The following CACNA1H variants were observed in gnomAD, a reference collection of about 807,000 sequenced individuals.
CACNA1H encodes the protein calcium voltage-gated channel subunit alpha1 H.
In CACNA1H, 149 loss-of-function variants were observed where a neutral mutation model predicts 192.5. That is an observed-to-expected ratio of 0.77 (90% CI 0.68 to 0.89). The LOEUF is 0.89. CACNA1H is among the 40% of genes least tolerant of loss of function. CACNA1H has a pLI of 0.00. For synonymous variants in CACNA1H, 2,202 were observed against 1,475.2 expected (o/e 1.49, Z -11.29); for missense variants, 4,257 against 3,423.5 (o/e 1.24, Z -6.08).
chr16:1,213,824 C>T lies in CACNA1H; in HGVS notation c.4822C>T (p.Arg1608Cys), dbSNP rs531597200. 2.5e-5 allele frequency: 39 copies of T among 1,589,830 alleles called. No individual in the cohort carries two copies. Among genetic ancestry groups the T allele is most frequent in the East Asian group, 4.6e-5 (2 of 43,854 alleles). The stretch of plus-strand genomic sequence containing the variant: ...CTATGCCGACTACTCGCCCACGCGC[C>T]GCTCCATTCACTCGCTGTGCACCAG... ...PYYADYSPTRRSIHSLCTSHY... is the reference protein window; with the variant it reads ...PYYADYSPTRCSIHSLCTSHY... The change falls in exon 27 of 35, where the codon CGC (arginine) becomes TGC (cysteine). Residue 1608 changes from arginine (R) to cysteine (C), a missense_variant. By Grantham distance (180) the Arg-to-Cys change is radical. Transcript: ENST00000348261.
intron 17 of CACNA1H, among the ~76,000 whole-genome samples, chr16:1,209,635 C>A (rs1237871523): frequency 6.6e-6 from 1 of 152,220 alleles, no homozygotes; most frequent in Non-Finnish European, 1.5e-5. Flanking sequence ...GTGAGCTAAA[C>A]GCTCCACGCA....
Position 1,198,938 on chromosome 16 carries a change from C to T in CACNA1H, c.803+164C>T, listed in dbSNP as rs1022095824. The T allele has an allele frequency of 1.9e-5, 12 of 642,742 alleles. No individual in the cohort carries two copies. The East Asian group carries it at 2.0e-4, about 10-fold the overall frequency. The allele number at this position is 642,742 out of a possible 1,614,324, so 39.8% of individuals were successfully genotyped here. On this transcript the variant is annotated intron_variant, in intron 6 of 34. Transcript: ENST00000348261. ...TGGCTCCGTCCACCATGCTGTCTCCCGCCCCCACCCCCCATCATGGCTCCG... is the reference window on the plus strand; with the variant it reads ...TGGCTCCGTCCACCATGCTGTCTCCTGCCCCCACCCCCCATCATGGCTCCG...
chr16:1,210,076 G>A lies in CACNA1H; in HGVS notation c.3786G>A (p.Lys1262=). The A allele has an allele frequency of 6.4e-7, 1 of 1,558,608 alleles. No individual in the cohort carries two copies. The highest frequency in any genetic ancestry group is 8.7e-7 in the Non-Finnish European group (1 of 1,152,050). ...TGCATAAAGTGCTGGAGCCCTACAA[G>A]CCCCAGTGGTGCCGGAGCCGCGAGG... ...LRLHKVLEPY[K]PQWCRSREAW... is the part of the protein sequence containing the mutation. Residue 1262 remains lysine (K), a synonymous_variant, in exon 18 of 35, where the codon AAG becomes AAA. Transcript: ENST00000348261.
intron 30 of CACNA1H, 55 bp from the exon 31 acceptor site, chr16:1,216,877 G>A: frequency 7.0e-7 from 1 of 1,430,710 alleles, no homozygotes; most frequent in Non-Finnish European, 9.7e-7. Context: ...CTGCAGGGTG[G>A]GCTGAGGCCT....
At position 1,221,445 on chromosome 16, in the gene CACNA1H, T is replaced by A; in HGVS notation, c.*451T>A. The A allele has an allele frequency of 3.1e-6, 1 of 326,380 alleles. No individual in the cohort carries two copies. The highest frequency in any genetic ancestry group is 5.6e-6 in the Non-Finnish European group (1 of 178,216). The allele number at this position is 326,380 out of a possible 1,614,324, so 20.2% of individuals were successfully genotyped here. A position where few individuals can be genotyped will look rare whatever the true frequency, so the allele number is the denominator to read the frequency against. On this transcript the variant is annotated 3_prime_UTR_variant, in exon 35 of 35. Transcript: ENST00000348261. ...CACCTTCACTCACAGTCTGAGTTCT[T>A]GTCCGCCTGTCACGCCCTCACCACC... is the stretch of plus-strand genomic sequence containing the variant.
rs2141254684 is a variant in CACNA1H at position 1,201,678 on chromosome 16, A to G, written c.1228A>G (p.Met410Val). 21 of 1,599,998 alleles carry G rather than the reference A, an allele frequency of 1.3e-5. No homozygotes were observed. Among genetic ancestry groups the G allele is most frequent in the South Asian group, 5.6e-5 (5 of 90,018 alleles). ...CCCGTCACAGGTGGGCTCCTTCTTC[A>G]TGATCAACCTGTGCCTGGTGGTGAT... ...ILLIIVGSFF[M>V]INLCLVVIAT... The change falls in exon 9 of 35, where the codon ATG becomes GTG. Residue 410 changes from methionine (M) to valine (V), a missense_variant. By Grantham distance (21) the Met-to-Val change is conservative. Transcript: ENST00000348261.
chr16:1,153,990 C>A lies in CACNA1H; in HGVS notation c.253C>A (p.Gln85Lys). 6.9e-7 allele frequency: 1 copy of A among 1,439,298 alleles called. No homozygotes were observed. The highest frequency in any genetic ancestry group is 1.3e-5 in the South Asian group (1 of 74,364). 89.2% of individuals were successfully genotyped at this position (1,439,298 alleles called of 1,614,324 possible). A position where few individuals can be genotyped will look rare whatever the true frequency, so the allele number is the denominator to read the frequency against. ...LAATVFFCLG[Q>K]TTRPRSWCLR... is the part of the protein sequence containing the mutation. ...GGCCACGGTCTTCTTCTGCCTCGGT[C>A]AGACCACGCGGCCGCGCAGCTGGTG... is the stretch of plus-strand genomic sequence containing the variant. The change falls in exon 2 of 35, where the codon CAG becomes AAG. Residue 85 changes from glutamine (Q) to lysine (K), a missense_variant. Gln to Lys is a moderately conservative substitution (Grantham distance 53). Transcript: ENST00000348261.
intron 2 of CACNA1H, among the ~76,000 whole-genome samples, chr16:1,155,737 T>C (rs1297330753): frequency 6.6e-6 from 1 of 152,200 alleles, no homozygotes; most frequent in African/African-American, 2.4e-5. Flanking sequence ...CCCGGTGTTC[T>C]GGGCTGGCTG....
rs1184646452 is a variant in CACNA1H, at chr16:1,220,437, A to G, written c.6505A>G (p.Lys2169Glu). The G allele has an allele frequency of 6.5e-7, 1 of 1,536,754 alleles. No homozygotes were observed. The highest frequency in any genetic ancestry group is 1.3e-5 in the South Asian group (1 of 78,086). Residue 2169 changes from lysine to glutamate, a missense_variant, in exon 35 of 35, where the codon AAG becomes GAG. By Grantham distance (56) the Lys-to-Glu change is moderately conservative. Coordinates refer to ENST00000348261, the MANE Select transcript of CACNA1H (RefSeq NM_021098.3). ...ELGSGEPGEAKAWGPEAEPAL... is the reference protein window; with the variant it reads ...ELGSGEPGEAEAWGPEAEPAL... ...GGGCAGCGGGGAGCCTGGGGAGGCG[A>G]AGGCCTGGGGCCCTGAGGCCGAGCC...
chr16:1,218,782 G>GGGCAGGCAGGAGGGAGGATGGA, intron 33 of CACNA1H, 131 bp downstream of exon 33: 1 of 1,157,188 alleles, frequency 8.6e-7, no homozygotes, highest in South Asian at 1.5e-5. Flanking sequence ...AGGAGGATGG[G>GGGCAGGCAGGAGGGAGGATGGA]GGCAGGCAGG....
At chr16:1,203,329 GA>G (rs2141271907) in intron 9 of CACNA1H, among the ~76,000 whole-genome samples, 1 of 152,264 alleles carries the variant, frequency 6.6e-6, no homozygotes, top group South Asian at 2.1e-4. Context: ...TGCTCGCATC[GA>G]GTCAAACAGA....
At position 1,211,617 on chromosome 16, in the gene CACNA1H, C is replaced by A. The variant is rs112560773; in HGVS notation, c.4476+11C>A. The A allele has an allele frequency of 1.9e-6, 3 of 1,608,596 alleles. No individual in the cohort carries two copies. The highest frequency in any genetic ancestry group is 2.5e-6 in the Non-Finnish European group (3 of 1,177,642). The stretch of plus-strand genomic sequence containing the variant: ...GACAACCTGGGCCAGGTGGGCTGGG[C>A]GGCCGGGCGGGAGCTGGGGGTCTCC... On this transcript the variant is annotated intron_variant, in intron 23 of 34. Transcript: ENST00000348261.
At position 1,220,886 on chromosome 16, in the gene CACNA1H, AGAG is replaced by A. The variant is rs755117171; in HGVS notation, c.6955_6957del (p.Glu2319del). ...CTCCCATGCCCGTCGGTGACCCCCC[AGAG>A]AAGAGGCGGGGGCTGTACCTCACAG... On this transcript the variant is annotated inframe_deletion, in exon 35 of 35. Transcript: ENST00000348261. 42 of 1,612,256 alleles carry A rather than the reference AGAG, an allele frequency of 2.6e-5. No individual in the cohort carries two copies. In the Admixed American group the frequency reaches 6.7e-4, roughly 26 times the overall value.
intron 17 of CACNA1H, 117 bp downstream of exon 17, chr16:1,209,529 G>T: frequency 7.7e-7 from 1 of 1,304,542 alleles, no homozygotes; most frequent in East Asian, 2.4e-5. Flanking sequence ...GGATTCAGAA[G>T]GGGAGAGAAG....
chr16:1,210,210 T>C (rs1377944356), intron 18 of CACNA1H, 75 bp downstream of exon 18: 20 of 1,319,992 alleles, frequency 1.5e-5, no homozygotes, highest in Middle Eastern at 1.8e-4. Flanking sequence ...CCCTCCTGGG[T>C]GGGGCTAGCA....
At chr16:1,197,369 T>TG (rs560052357) in intron 5 of CACNA1H, among the ~76,000 whole-genome samples, 2 of 152,202 alleles carry the variant, frequency 1.3e-5, no homozygotes, top group Non-Finnish European at 2.9e-5. Context: ...CCCCACCTGT[T>TG]GAAGCGTGAA....
intron 25 of CACNA1H, 89 bp downstream of exon 25, chr16:1,212,227 C>A (rs1279446111): frequency 2.0e-6 from 3 of 1,474,796 alleles, no homozygotes; most frequent in Non-Finnish European, 2.7e-6. Flanking sequence ...GCCCCGGCCT[C>A]CCCGAATGGC....
At position 1,162,313 on chromosome 16, in the gene CACNA1H, G is replaced by A. The variant is rs187444222; in HGVS notation, c.299+8277G>A. Among the ~76,000 whole-genome samples, 1,098 of 152,254 alleles carry A rather than the reference G, an allele frequency of 7.2e-3. 12 individuals carry two copies. Among genetic ancestry groups the A allele is most frequent in the African/African-American group, 0.022 (894 of 41,550 alleles). On this transcript the variant is annotated intron_variant, in intron 2 of 34. Transcript: ENST00000348261. ...CCTGCCCTCACAGCTGCGAGCAGGG[G>A]TGCAGGTGCCTGGGGGAGGCCCCCA...
In CACNA1H at chr16:1,200,814, T is replaced by G; in HGVS notation, c.1212+6T>G. On this transcript the variant is annotated splice_donor_region_variant and intron_variant, in intron 8 of 34. Transcript: ENST00000348261. ...ATTTCATCCTGCTCATCATCGTGAG[T>G]GTGGGCGGCAGTGTTCGCCATGATG... 2 of 1,549,794 alleles carry G rather than the reference T, an allele frequency of 1.3e-6. No individual in the cohort carries two copies. Among genetic ancestry groups the G allele is most frequent in the South Asian group, 1.2e-5 (1 of 84,034 alleles).
Sources: gnomAD v4.1 joint callset for allele counts (sites outside exome capture counted in the v4.1 genomes callset) on GRCh38, gnomAD v4.1.1 for gene constraint, MANE v1.5 for transcripts, NCBI Gene and HGNC (gene_info 2026-07-23, HGNC 2026-07-21) for gene names.